LONRF3: variants seen among roughly 807,000 people sequenced by gnomAD.
The protein encoded by LONRF3 is LON peptidase N-terminal domain and ring finger 3.
Under a neutral mutation model 51.7 loss-of-function variants are expected in LONRF3, and 19 were observed. The observed-to-expected ratio is 0.37, with a 90% CI of 0.26 to 0.54. LONRF3 has a LOEUF of 0.54. Ranked by LOEUF, LONRF3 falls within the 20% of genes least tolerant of loss-of-function variation. The probability of loss-of-function intolerance (pLI) is 0.86; values close to 1 mark genes in which losing one functional copy is unlikely to be tolerated. For missense variants in LONRF3, 521 were observed against 623.9 expected (o/e 0.84, Z 1.76); for synonymous variants, 265 against 257.8 (o/e 1.03, Z -0.27).
Position 119,012,316 on chromosome X carries a change from T to A in LONRF3, c.1811+343T>A, listed in dbSNP as rs1427439239. On this transcript the variant is annotated intron_variant, in intron 8 of 10. Coordinates refer to ENST00000371628, the MANE Select transcript of LONRF3 (RefSeq NM_001031855.3). The stretch of plus-strand genomic sequence containing the variant: ...GCTATTTAACCTTTCTGTATCCCAG[T>A]TTCCTTATTTGTAAAGTGGGTACAA... 3.7e-5 allele frequency among the ~76,000 whole-genome samples: 4 copies of A among 109,470 alleles called. No homozygotes were observed. In the East Asian group the frequency reaches 1.1e-3, roughly 31 times the overall value.
At chrX:118,992,691 C>T (rs1470693531) in intron 5 of LONRF3, among the ~76,000 whole-genome samples, 2 of 111,536 alleles carry the variant, frequency 1.8e-5, no homozygotes, top group Non-Finnish European at 3.8e-5. Flanking sequence ...TGGAAAGCAC[C>T]ACCTCCTGGC....
At chrX:119,005,738 T>TTG (rs1304866319) in intron 5 of LONRF3, among the ~76,000 whole-genome samples, 1 of 111,011 alleles carries the variant, frequency 9.0e-6, no homozygotes, top group Non-Finnish European at 1.9e-5. Flanking sequence ...GTGTGTGTGT[T>TTG]TGTGTGTGTG....
At chrX:118,990,443 G>T (rs767299207) in intron 4 of LONRF3, 27 bp from the exon 5 acceptor site, 24 of 1,146,246 alleles carry the variant, frequency 2.1e-5, no homozygotes, top group Non-Finnish European at 2.9e-5. Flanking sequence ...TGGCTCCAGC[G>T]CTGACTTCTT....
chrX:119,008,536 G>T (rs773705086), intron 6 of LONRF3, among the ~76,000 whole-genome samples: 9 of 111,471 alleles, frequency 8.1e-5, no homozygotes, highest in Non-Finnish European at 1.7e-4. Flanking sequence ...ATATTAGAAA[G>T]GCAAATAGAC....
intron 1 of LONRF3, 64 bp downstream of exon 1, chrX:118,975,661 C>G: frequency 1.2e-6 from 1 of 850,327 alleles, no homozygotes; most frequent in Non-Finnish European, 1.5e-6. Context: ...AGCGGGAGAA[C>G]AAACCCCGCA....
intron 7 of LONRF3, among the ~76,000 whole-genome samples, chrX:119,009,718 T>C (rs1248611936): frequency 8.9e-6 from 1 of 111,822 alleles, no homozygotes. Context: ...TTTCTGGGCC[T>C]TAGTTTCCTT....
intron 7 of LONRF3, among the ~76,000 whole-genome samples, chrX:119,010,146 C>T: frequency 9.0e-6 from 1 of 111,569 alleles, no homozygotes; most frequent in Non-Finnish European, 1.9e-5. Flanking sequence ...AATACTAATA[C>T]TTGTCAAGCG....
At chrX:118,991,178 T>G (rs1262566278) in intron 5 of LONRF3, among the ~76,000 whole-genome samples, 1 of 111,873 alleles carries the variant, frequency 8.9e-6, no homozygotes, top group East Asian at 2.8e-4. Flanking sequence ...TTGGCCCTCA[T>G]GGGGTTTGTT....
chrX:119,001,788 T>A lies in LONRF3; in HGVS notation c.1416-4333T>A, dbSNP rs138630765. ...GTGTGTGTTTTATTCATCTGCTCACTAAATGTCAGTATTTATTGCAATTAA... is the reference window on the plus strand; with the variant it reads ...GTGTGTGTTTTATTCATCTGCTCACAAAATGTCAGTATTTATTGCAATTAA... On this transcript the variant is annotated intron_variant, in intron 5 of 10. Transcript: ENST00000371628. Among the ~76,000 whole-genome samples the A allele has an allele frequency of 7.7e-3, 868 of 112,950 alleles. 11 individuals are homozygous for A. Among genetic ancestry groups the A allele is most frequent in the African/African-American group, 0.027 (830 of 31,141 alleles).
At position 118,975,007 on chromosome X, in the gene LONRF3, C is replaced by T. The variant is rs1459143120; in HGVS notation, c.227C>T (p.Ala76Val). The T allele has an allele frequency of 2.6e-6, 3 of 1,171,542 alleles. No homozygotes were observed. Among genetic ancestry groups the T allele is most frequent in the African/African-American group, 1.8e-5 (1 of 56,535 alleles). Residue 76 changes from alanine to valine, a missense_variant, in exon 1 of 11, where the codon GCC becomes GTC. Ala to Val is a moderately conservative substitution (Grantham distance 64). Around this residue, in one of 2 missense-constraint regions of LONRF3, gnomAD observed 376 missense variants for 376.7 expected, o/e 1.00. Transcript: ENST00000371628. ...AAAGTCCTGCTCACGCAGGCAGACG[C>T]CTTGGCGTCCCGGGGGCGAATCCGT... The part of the protein sequence containing the change: ...ESKVLLTQAD[A>V]LASRGRIREA...
At chrX:119,009,054 A>T in intron 6 of LONRF3, 72 bp from the exon 7 acceptor site, 1 of 939,291 alleles carries the variant, frequency 1.1e-6, no homozygotes, top group Non-Finnish European at 1.5e-6. Context: ...TTCACTGATT[A>T]CATCAGAAGT....
chrX:118,989,734 C>T, intron 4 of LONRF3, 62 bp downstream of exon 4: 1 of 1,113,556 alleles, frequency 9.0e-7, no homozygotes, highest in Non-Finnish European at 1.2e-6. Context: ...CCAATATATA[C>T]AAGTTACTTA....
intron 5 of LONRF3, among the ~76,000 whole-genome samples, chrX:118,998,094 AT>A (rs1372672806): frequency 8.9e-6 from 1 of 112,469 alleles, no homozygotes; most frequent in Non-Finnish European, 1.9e-5. Context: ...TAGAACTGCC[AT>A]TTGATCCAGC....
intron 10 of LONRF3, among the ~76,000 whole-genome samples, chrX:119,015,140 G>A (rs181823487): frequency 9.0e-6 from 1 of 111,479 alleles, no homozygotes; most frequent in Non-Finnish European, 1.9e-5. Context: ...GATAAGGCTG[G>A]AGATATCCTA....
At chrX:118,984,510 T>C (rs1361216482) in intron 3 of LONRF3, among the ~76,000 whole-genome samples, 1 of 112,013 alleles carries the variant, frequency 8.9e-6, no homozygotes, top group African/African-American at 3.2e-5. Flanking sequence ...CTGAGATGTT[T>C]TTGGTGTCAT....
chrX:118,975,312 T>G lies in LONRF3; in HGVS notation c.532T>G (p.Cys178Gly), dbSNP rs757591421. The change falls in exon 1 of 11, where the codon TGT becomes GGT. Residue 178 changes from cysteine (C) to glycine (G), a missense_variant. Physicochemically the swap from Cys to Gly is radical, Grantham distance 159. Coordinates refer to ENST00000371628, the MANE Select transcript of LONRF3 (RefSeq NM_001031855.3). ...GTCCTTGTCGTGTGGCCACACCTTT[T>G]GTAAACTGTGCCTGGAACGTGGGCG... ...PVSLSCGHTF[C>G]KLCLERGRAA... 1 of 1,210,154 alleles carries G rather than the reference T, an allele frequency of 8.3e-7. No homozygotes were observed. Among genetic ancestry groups the G allele is most frequent in the Non-Finnish European group, 1.1e-6 (1 of 895,077 alleles).
intron 8 of LONRF3, 150 bp downstream of exon 8, chrX:119,012,123 G>A (rs1214153659): frequency 1.3e-5 from 7 of 557,088 alleles, no homozygotes; most frequent in Non-Finnish European, 1.7e-5. Flanking sequence ...TGTCCCTTTG[G>A]TGGTTAGTTT....
In LONRF3 at chrX:118,975,118, A is replaced by G; in HGVS notation, c.338A>G (p.Glu113Gly). ...GAGCAGCTGGTGCGCTGCCTGGCGG[A>G]GAAAGTCCCGCAAGGCGAGGCGCTG... The part of the protein sequence containing the change: ...QLEQLVRCLA[E>G]KVPQGEALAP... The change falls in exon 1 of 11, where the codon GAG (glutamate) becomes GGG (glycine). Residue 113 changes from glutamate to glycine, a missense_variant. By Grantham distance (98) the Glu-to-Gly change is moderately conservative. Transcript: ENST00000371628. 1.7e-6 allele frequency: 2 copies of G among 1,170,072 alleles called. No individual in the cohort carries two copies. Among genetic ancestry groups the G allele is most frequent in the Non-Finnish European group, 1.1e-6 (1 of 875,058 alleles).
chrX:118,999,700 C>T (rs936174782), intron 5 of LONRF3, among the ~76,000 whole-genome samples: 1 of 111,486 alleles, frequency 9.0e-6, no homozygotes, highest in African/African-American at 3.3e-5. Context: ...AAAATTTGGT[C>T]CAAGAAATAA....
Sources: gnomAD v4.1 joint callset for allele counts (sites outside exome capture counted in the v4.1 genomes callset) on GRCh38, gnomAD v4.1.1 for gene constraint, gnomAD v4.1.1 regional missense constraint, MANE v1.5 for transcripts, NCBI Gene and HGNC (gene_info 2026-07-23, HGNC 2026-07-21) for gene names.